The following UXS1 variants were observed in gnomAD, a reference collection of about 807,000 sequenced individuals.
The protein encoded by UXS1 is UDP-glucuronate decarboxylase 1.
UXS1 carries 33 observed loss-of-function variants against 62.6 expected under a neutral mutation model. That is an observed-to-expected ratio of 0.53 (90% CI 0.40 to 0.70). The LOEUF is 0.70. Ranked by LOEUF, UXS1 falls within the 30% of genes least tolerant of loss-of-function variation. The probability of loss-of-function intolerance (pLI) is 0.00; values close to 1 mark genes in which losing one functional copy is unlikely to be tolerated. For synonymous variants in UXS1, 213 were observed against 206.8 expected (o/e 1.03, Z -0.26); for missense variants, 434 against 556.3 (o/e 0.78, Z 2.21).
At chr2:106,166,029 A>G in intron 2 of UXS1, 27 bp downstream of exon 2, 1 of 1,606,622 alleles carries the variant, frequency 6.2e-7, no homozygotes. Flanking sequence ...ATCCAACCAC[A>G]GTACCCAAGT....
At chr2:106,183,597 GC>G (rs1205499011) in intron 1 of UXS1, 1 of 152,148 alleles carries the variant, frequency 6.6e-6, no homozygotes, top group Non-Finnish European at 1.5e-5. Flanking sequence ...GAAACCCTCA[GC>G]CCCCCTCAGA....
intron 11 of UXS1, among the ~76,000 whole-genome samples, chr2:106,103,130 C>T (rs1389825016): frequency 6.6e-6 from 1 of 152,314 alleles, no homozygotes; most frequent in East Asian, 1.9e-4. Flanking sequence ...TCAGAGCGGG[C>T]CAGGGTGCAT....
intron 1 of UXS1, among the ~76,000 whole-genome samples, chr2:106,183,260 A>G (rs1435603714): frequency 7.8e-6 from 1 of 128,592 alleles, no homozygotes; most frequent in Non-Finnish European, 1.7e-5. Flanking sequence ...AAAAAAAAAA[A>G]GCAAGGTCAC....
At chr2:106,175,279 ATGC>A (rs1295064317) in intron 1 of UXS1, among the ~76,000 whole-genome samples, 3 of 152,222 alleles carry the variant, frequency 2.0e-5, no homozygotes, top group African/African-American at 7.2e-5. Flanking sequence ...ATGCATTCCA[ATGC>A]TGGACTGTTT....
chr2:106,160,336 T>A (rs1055323354), intron 4 of UXS1: 1 of 152,242 alleles, frequency 6.6e-6, no homozygotes, highest in African/African-American at 2.4e-5. Context: ...CAGCTGAGAC[T>A]CTTTCCTTCC....
At chr2:106,187,029 T>C (rs1339346395) in intron 1 of UXS1, among the ~76,000 whole-genome samples, 1 of 152,012 alleles carries the variant, frequency 6.6e-6, no homozygotes, top group East Asian at 1.9e-4. Flanking sequence ...CGTCTGCACC[T>C]TTCAAATATT....
intron 1 of UXS1, among the ~76,000 whole-genome samples, chr2:106,178,366 T>C (rs537461064): frequency 1.8e-4 from 27 of 152,304 alleles, no homozygotes; most frequent in African/African-American, 6.3e-4. Context: ...CCCACATATA[T>C]GTATATGTAC....
chr2:106,109,002 T>C (rs997048798), intron 10 of UXS1, among the ~76,000 whole-genome samples: 1 of 151,846 alleles, frequency 6.6e-6, no homozygotes, highest in African/African-American at 2.4e-5. Flanking sequence ...TCCCCTAGAG[T>C]GTGTCCGACC....
In UXS1 at chr2:106,112,620, C is replaced by T. The variant is rs1002798012; in HGVS notation, c.879+26G>A. Reference sequence around the variant, plus strand: ...TGACTTCGATTTGGGTTGCAAGGTGCTCCCTGAGCCGAGGCCAGCACCTAC... The same window carrying T: ...TGACTTCGATTTGGGTTGCAAGGTGTTCCCTGAGCCGAGGCCAGCACCTAC... On this transcript the variant is annotated intron_variant, in intron 10 of 14. Coordinates refer to ENST00000283148, the MANE Select transcript of UXS1 (RefSeq NM_001253875.2). 6.8e-6 allele frequency: 11 copies of T among 1,611,980 alleles called. No homozygotes were observed. The African/African-American group carries it at 1.2e-4, about 18-fold the overall frequency.
At chr2:106,122,935 C>A (rs777012023) in intron 9 of UXS1, 35 bp downstream of exon 9, 3 of 1,610,884 alleles carry the variant, frequency 1.9e-6, no homozygotes, top group Admixed American at 1.7e-5. Context: ...GTGCTCAGCA[C>A]GCCTAAACCG....
At chr2:106,155,852 A>C (rs1365920248) in intron 5 of UXS1, among the ~76,000 whole-genome samples, 1 of 152,216 alleles carries the variant, frequency 6.6e-6, no homozygotes, top group Non-Finnish European at 1.5e-5. Context: ...GGACAACCGG[A>C]CAGCCATATC....
chr2:106,179,302 C>T (rs998836448), intron 1 of UXS1, among the ~76,000 whole-genome samples: 1 of 151,984 alleles, frequency 6.6e-6, no homozygotes, highest in East Asian at 1.9e-4. Context: ...CTTCCCCTGA[C>T]CCTCTCCACA....
intron 9 of UXS1, among the ~76,000 whole-genome samples, chr2:106,121,086 C>T (rs187602395): frequency 6.6e-5 from 10 of 152,262 alleles, no homozygotes; most frequent in Admixed American, 5.2e-4. Flanking sequence ...ACAGATGACA[C>T]GAACGGGTCC....
chr2:106,183,832 A>C (rs923738777), intron 1 of UXS1: 1 of 152,248 alleles, frequency 6.6e-6, no homozygotes, highest in African/African-American at 2.4e-5. Flanking sequence ...AAATGGAAAA[A>C]AAAAATTGAA....
At position 106,194,196 on chromosome 2, in the gene UXS1, T is replaced by C; in HGVS notation, c.46A>G (p.Arg16Gly). The C allele has an allele frequency of 1.4e-6, 2 of 1,469,408 alleles. No individual in the cohort carries two copies. Among genetic ancestry groups the C allele is most frequent in the Non-Finnish European group, 1.8e-6 (2 of 1,107,498 alleles). 91.0% of individuals were successfully genotyped at this position (1,469,408 alleles called of 1,614,324 possible). ...LLRLVSAVNR[R>G]RMKLLLGIAL... ...ATGCCCAGCAGCAGCTTCATCCTCCTGCGGTTGACGGCAGACACGAGGCGC... is the reference window on the plus strand; with the variant it reads ...ATGCCCAGCAGCAGCTTCATCCTCCCGCGGTTGACGGCAGACACGAGGCGC... Residue 16 changes from arginine (R) to glycine (G), a missense_variant, in exon 1 of 15, where the codon AGG becomes GGG. This residue lies in a region of UXS1 where 91 missense variants were observed against 71.1 expected (regional missense o/e 1.28). Coordinates refer to ENST00000283148, the MANE Select transcript of UXS1 (RefSeq NM_001253875.2).
intron 1 of UXS1, among the ~76,000 whole-genome samples, chr2:106,190,921 A>AT (rs1179863400): frequency 6.6e-6 from 1 of 152,086 alleles, no homozygotes; most frequent in African/African-American, 2.4e-5. Context: ...GGTTGGCCTG[A>AT]TTTTTGATTC....
intron 9 of UXS1, among the ~76,000 whole-genome samples, chr2:106,119,675 AGTT>A (rs1679363685): frequency 6.6e-6 from 1 of 152,104 alleles, no homozygotes; most frequent in South Asian, 2.1e-4. Context: ...ATCACTTTGG[AGTT>A]GTTGCCCCAA....
intron 1 of UXS1, 128 bp downstream of exon 1, chr2:106,194,020 C>G (rs1685109321): frequency 1.7e-6 from 1 of 603,734 alleles, no homozygotes; most frequent in African/African-American, 2.0e-5. Context: ...AAAGCGCCGG[C>G]CCCGCCCGGG....
At chr2:106,125,758 G>A in intron 7 of UXS1, 79 bp from the exon 8 acceptor site, 6 of 1,265,682 alleles carry the variant, frequency 4.7e-6, no homozygotes, top group Non-Finnish European at 6.6e-6. Context: ...TTTAAGCAAT[G>A]TTTTAGTATT....
Sources: gnomAD v4.1 joint callset for allele counts (sites outside exome capture counted in the v4.1 genomes callset) on GRCh38, gnomAD v4.1.1 for gene constraint, gnomAD v4.1.1 regional missense constraint, MANE v1.5 for transcripts, NCBI Gene and HGNC (gene_info 2026-07-23, HGNC 2026-07-21) for gene names.